Variants in SSBP3 observed in about 807,000 individuals in gnomAD.
SSBP3 encodes the protein single-stranded DNA-binding protein 3.
Under a neutral mutation model 69.6 loss-of-function variants are expected in SSBP3, and 5 were observed. The ratio of observed to expected loss-of-function variants is 0.07; its 90% CI spans 0.04 to 0.15. SSBP3 has a LOEUF of 0.15. SSBP3 is among the 10% of genes least tolerant of loss of function. The probability of loss-of-function intolerance (pLI) is 1.00; values close to 1 mark genes in which losing one functional copy is unlikely to be tolerated. For missense variants in SSBP3, 312 were observed against 534.0 expected, an observed-to-expected ratio of 0.58 and a Z score of 4.10; for synonymous variants, 196 against 193.4, an observed-to-expected ratio of 1.01 and a Z score of -0.11.
chr1:54,369,522 A>AG (rs1205109667), intron 4 of SSBP3, among the ~76,000 whole-genome samples: 2 of 152,226 alleles, frequency 1.3e-5, no homozygotes, highest in Non-Finnish European at 2.9e-5. Flanking sequence ...GAGAACCACT[A>AG]GTTAGGTGAC....
intron 4 of SSBP3, among the ~76,000 whole-genome samples, chr1:54,310,821 G>A (rs1177064781): frequency 6.6e-6 from 1 of 152,224 alleles, no homozygotes; most frequent in Non-Finnish European, 1.5e-5. Flanking sequence ...TATACCACCT[G>A]TGAGGATGGG....
At chr1:54,238,466 C>A in intron 14 of SSBP3, 1 of 384,468 alleles carries the variant, frequency 2.6e-6, no homozygotes, top group East Asian at 7.3e-5. Context: ...GGAGGGGAAG[C>A]AGATCAGGCC....
chr1:54,244,426 T>A (rs1354794305), intron 9 of SSBP3, among the ~76,000 whole-genome samples: 1 of 150,720 alleles, frequency 6.6e-6, no homozygotes, highest in African/African-American at 2.4e-5. Flanking sequence ...TTAAATTTTT[T>A]TGTAGAGATG....
intron 4 of SSBP3, among the ~76,000 whole-genome samples, chr1:54,345,128 C>A (rs1307679971): frequency 6.6e-6 from 1 of 152,158 alleles, no homozygotes; most frequent in African/African-American, 2.4e-5. Flanking sequence ...AGTTCTCGTG[C>A]GTGGCCAGCA....
At chr1:54,355,165 C>T (rs573912494) in intron 4 of SSBP3, among the ~76,000 whole-genome samples, 4 of 152,356 alleles carry the variant, frequency 2.6e-5, no homozygotes, top group South Asian at 2.1e-4. Flanking sequence ...GTCCAACAAA[C>T]GTCTGATGAG....
At chr1:54,280,364 G>A (rs913964449) in intron 5 of SSBP3, among the ~76,000 whole-genome samples, 5 of 152,224 alleles carry the variant, frequency 3.3e-5, no homozygotes, top group Admixed American at 6.5e-5. Context: ...TTGATGTGGT[G>A]TGAGCACAGG....
chr1:54,301,568 G>A (rs565661600), intron 4 of SSBP3, among the ~76,000 whole-genome samples: 9 of 152,276 alleles, frequency 5.9e-5, no homozygotes, highest in African/African-American at 7.2e-5. Flanking sequence ...TCCCTCCCAC[G>A]CGGGGACCCT....
At chr1:54,300,792 G>C (rs1283451475) in intron 4 of SSBP3, among the ~76,000 whole-genome samples, 1 of 152,158 alleles carries the variant, frequency 6.6e-6, no homozygotes, top group Non-Finnish European at 1.5e-5. Context: ...GCTCTCAGTG[G>C]ATACTGAAAG....
intron 7 of SSBP3, among the ~76,000 whole-genome samples, chr1:54,252,810 T>C (rs921759520): frequency 5.9e-5 from 9 of 152,254 alleles, no homozygotes; most frequent in African/African-American, 2.2e-4. Context: ...TAGGGCTTTA[T>C]AAATATGAGC....
chr1:54,412,277 C>T (rs149078404), intron 1 of SSBP3, among the ~76,000 whole-genome samples: 1,642 of 151,990 alleles, frequency 0.011, 28 homozygotes, highest in African/African-American at 0.036. Context: ...TGCAGTGAGC[C>T]GAGATCATGC....
chr1:54,278,838 T>C (rs1166098079), intron 5 of SSBP3, among the ~76,000 whole-genome samples: 2 of 152,256 alleles, frequency 1.3e-5, no homozygotes, highest in South Asian at 2.1e-4. Flanking sequence ...AAATCCTCGA[T>C]ACCATCTCTA....
At chr1:54,334,014 C>T (rs1224466484) in intron 4 of SSBP3, among the ~76,000 whole-genome samples, 1 of 152,188 alleles carries the variant, frequency 6.6e-6, no homozygotes, top group Non-Finnish European at 1.5e-5. Flanking sequence ...TCTAATCATA[C>T]CACTGCACTC....
At chr1:54,392,398 A>G (rs551568498) in intron 4 of SSBP3, among the ~76,000 whole-genome samples, 1 of 152,208 alleles carries the variant, frequency 6.6e-6, no homozygotes, top group Non-Finnish European at 1.5e-5. Flanking sequence ...TTGAGCCCCC[A>G]AAAAAGGCAA....
chr1:54,251,915 G>T, intron 7 of SSBP3, 55 bp from the exon 8 acceptor site: 1 of 1,499,252 alleles, frequency 6.7e-7, no homozygotes, highest in South Asian at 1.2e-5. Flanking sequence ...GCTGGCCATG[G>T]GGACAGGCAT....
At chr1:54,338,232 T>C (rs1272265120) in intron 4 of SSBP3, among the ~76,000 whole-genome samples, 7 of 152,236 alleles carry the variant, frequency 4.6e-5, no homozygotes, top group Admixed American at 4.6e-4. Flanking sequence ...TGGGGCTGCA[T>C]AGCCGGCACC....
chr1:54,314,866 G>C (rs1646068013), intron 4 of SSBP3, among the ~76,000 whole-genome samples: 1 of 152,154 alleles, frequency 6.6e-6, no homozygotes, highest in South Asian at 2.1e-4. Context: ...ACAGACGCTG[G>C]ACAGGGAGGG....
At chr1:54,333,905 G>A (rs1484465821) in intron 4 of SSBP3, among the ~76,000 whole-genome samples, 2 of 151,456 alleles carry the variant, frequency 1.3e-5, no homozygotes, top group Non-Finnish European at 2.9e-5. Context: ...TCTATATAAA[G>A]TATTTTAAAA....
chr1:54,284,243 A>T (rs1026323390), intron 4 of SSBP3, among the ~76,000 whole-genome samples: 1 of 151,110 alleles, frequency 6.6e-6, no homozygotes, highest in Non-Finnish European at 1.5e-5. Flanking sequence ...CTATTAACCA[A>T]CGAAATAACA....
At chr1:54,372,892 C>T (rs1368428306) in intron 4 of SSBP3, among the ~76,000 whole-genome samples, 1 of 152,240 alleles carries the variant, frequency 6.6e-6, no homozygotes, top group Non-Finnish European at 1.5e-5. Context: ...CTCCCTGACT[C>T]CAGCAGACCC....
Sources: allele counts gnomAD v4.1 joint callset (sites outside exome capture counted in the v4.1 genomes callset), GRCh38; gene constraint gnomAD v4.1.1; transcripts MANE v1.5; gene names NCBI Gene and HGNC (gene_info 2026-07-23, HGNC 2026-07-21).